Variants in SYCP1 observed in about 807,000 individuals in gnomAD.
The protein encoded by SYCP1 is synaptonemal complex protein 1, also known as cancer/testis antigen 8.
Under a neutral mutation model 153.1 loss-of-function variants are expected in SYCP1, and 64 were observed. The observed-to-expected ratio is 0.42, with a 90% CI of 0.34 to 0.51. The LOEUF (loss-of-function observed/expected upper bound fraction) is 0.51, where lower values mean the gene tolerates loss of function less well. Among genes scored for constraint, SYCP1 ranks in the 20% least tolerant of loss-of-function variants. The pLI, the probability that SYCP1 is intolerant of heterozygous loss-of-function variation, is 0.06. For missense variants in SYCP1, 997 were observed against 1,049.0 expected, an observed-to-expected ratio of 0.95 and a Z score of 0.68; for synonymous variants, 384 against 341.8, an observed-to-expected ratio of 1.12 and a Z score of -1.36.
At chr1:114,855,746 CA>C (rs1420590553) in intron 2 of SYCP1, among the ~76,000 whole-genome samples, 174 bp downstream of exon 2, 1 of 152,146 alleles carries the variant, frequency 6.6e-6, no homozygotes, top group African/African-American at 2.4e-5. Flanking sequence ...ATTGTGTAGG[CA>C]TCATTCATTT....
chr1:114,871,601 C>A (rs1195903194), intron 8 of SYCP1, among the ~76,000 whole-genome samples: 1 of 152,046 alleles, frequency 6.6e-6, no homozygotes, highest in East Asian at 1.9e-4. Context: ...GAGGCAGAGT[C>A]TCATTCTGTT....
At chr1:114,961,758 T>A (rs778558293) in intron 27 of SYCP1, among the ~76,000 whole-genome samples, 4 of 152,190 alleles carry the variant, frequency 2.6e-5, no homozygotes, top group African/African-American at 7.2e-5. Context: ...TTGTGGCCTT[T>A]CATATGGTCT....
Position 114,977,598 on chromosome 1 carries a change from TA to T in SYCP1, c.2367del (p.Glu790LysfsTer68). ...REAKENTATL[K>X]EKKDKKTQTF... ...AGGCAAAAGAAAACACAGCTACTCT[TA>T]AAGAAAAAAAAGACAAGGTAAGAGC... On this transcript the variant is annotated frameshift_variant, in exon 28 of 32. Coordinates refer to ENST00000369522, the MANE Select transcript of SYCP1 (RefSeq NM_003176.4). LOFTEE classifies it high-confidence loss of function. The T allele has an allele frequency of 6.6e-7, 1 of 1,505,278 alleles. No individual in the cohort carries two copies. 93.2% of individuals were successfully genotyped at this position (1,505,278 alleles called of 1,614,324 possible). A position where few individuals can be genotyped will look rare whatever the true frequency, so the allele number is the denominator to read the frequency against.
At chr1:114,919,068 A>C (rs1026722751) in intron 20 of SYCP1, among the ~76,000 whole-genome samples, 1 of 152,086 alleles carries the variant, frequency 6.6e-6, no homozygotes, top group African/African-American at 2.4e-5. Context: ...GAAAGTGGGC[A>C]TCCTTGCTGT....
intron 27 of SYCP1, among the ~76,000 whole-genome samples, chr1:114,959,902 G>A (rs910229674): frequency 6.6e-6 from 1 of 152,130 alleles, no homozygotes; most frequent in African/African-American, 2.4e-5. Flanking sequence ...CACCCATGCT[G>A]CTGCAAATCA....
At chr1:114,965,872 G>A (rs1218588207) in intron 27 of SYCP1, among the ~76,000 whole-genome samples, 1 of 152,154 alleles carries the variant, frequency 6.6e-6, no homozygotes, top group Non-Finnish European at 1.5e-5. Context: ...AACTGAGTTA[G>A]GCAGGAGTCC....
intron 20 of SYCP1, among the ~76,000 whole-genome samples, chr1:114,918,612 C>T (rs899778603): frequency 2.0e-5 from 3 of 152,012 alleles, no homozygotes; most frequent in Non-Finnish European, 2.9e-5. Context: ...TTGATTGTTC[C>T]AGTCCGTGAA....
intron 23 of SYCP1, among the ~76,000 whole-genome samples, chr1:114,942,707 G>A (rs1352545639): frequency 1.3e-5 from 2 of 151,722 alleles, no homozygotes; most frequent in Admixed American, 6.6e-5. Flanking sequence ...AAATGTGAAG[G>A]GCAGGGCTTC....
chr1:114,888,920 G>C (rs1666502428), intron 15 of SYCP1, among the ~76,000 whole-genome samples: 1 of 141,266 alleles, frequency 7.1e-6, no homozygotes, highest in Admixed American at 7.4e-5. Flanking sequence ...TGTTCTCATT[G>C]TTCAACTCCC....
Position 114,923,508 on chromosome 1 carries a change from A to G in SYCP1, c.1778A>G (p.Lys593Arg). The G allele has an allele frequency of 6.3e-7, 1 of 1,591,492 alleles. No homozygotes were observed. The highest frequency in any genetic ancestry group is 8.6e-7 in the Non-Finnish European group (1 of 1,166,012). The change falls in exon 21 of 32, where the codon AAA (lysine) becomes AGA (arginine). Residue 593 changes from lysine to arginine, a missense_variant. Transcript: ENST00000369522. Reference sequence around the variant, plus strand: ...CAGAAAAGAGATGAAGTTAAATGTAAATTGGACAAGAGTGAAGAAAATGTA... The same window carrying G: ...CAGAAAAGAGATGAAGTTAAATGTAGATTGGACAAGAGTGAAGAAAATGTA... ...LKQKRDEVKCKLDKSEENCNN... is the reference protein window; with the variant it reads ...LKQKRDEVKCRLDKSEENCNN...
rs1666282839 is a variant in SYCP1 at position 114,886,151 on chromosome 1, T to C, written c.1032T>C (p.Asp344=). 1.2e-5 allele frequency: 20 copies of C among 1,605,644 alleles called. No individual in the cohort carries two copies. The highest frequency in any genetic ancestry group is 1.7e-5 in the Non-Finnish European group (20 of 1,177,096). ...GTACTCAAAAGGCTTTAGAGGAAGA[T>C]TTACAGATAGCAACAAAAACAATTT... ...SVSTQKALEE[D]LQIATKTICQ... is the part of the protein sequence containing the mutation. The change falls in exon 14 of 32, where the codon GAT becomes GAC. Residue 344 remains aspartate (D), a synonymous_variant. Coordinates refer to ENST00000369522, the MANE Select transcript of SYCP1 (RefSeq NM_003176.4).
At chr1:114,979,055 G>A (rs1672978828) in intron 28 of SYCP1, among the ~76,000 whole-genome samples, 1 of 150,922 alleles carries the variant, frequency 6.6e-6, no homozygotes, top group Admixed American at 6.6e-5. Context: ...TTATCTGAGA[G>A]TCTAGATATA....
intron 2 of SYCP1, 118 bp from the exon 3 acceptor site, chr1:114,856,455 G>C: frequency 1.7e-6 from 1 of 592,392 alleles, no homozygotes. Flanking sequence ...GTACATTAAA[G>C]GATTTGCAAT....
intron 20 of SYCP1, among the ~76,000 whole-genome samples, chr1:114,922,340 A>G (rs1336752655): frequency 3.3e-5 from 5 of 152,140 alleles, no homozygotes; most frequent in Non-Finnish European, 7.4e-5. Flanking sequence ...CTATAAAGAA[A>G]TACCTGAGAC....
chr1:114,880,600 G>C (rs1183837203), intron 12 of SYCP1, among the ~76,000 whole-genome samples: 1 of 152,156 alleles, frequency 6.6e-6, no homozygotes, highest in Non-Finnish European at 1.5e-5. Flanking sequence ...TGTTTCTTCA[G>C]CTCTTTGAGA....
At chr1:114,913,879 T>A (rs1668340822) in intron 19 of SYCP1, 96 bp from the exon 20 acceptor site, 9 of 925,170 alleles carry the variant, frequency 9.7e-6, no homozygotes, top group Admixed American at 3.5e-5. Flanking sequence ...TATAACTAAA[T>A]AAATTTTATG....
chr1:114,915,017 C>T (rs1668425900), intron 20 of SYCP1, among the ~76,000 whole-genome samples: 1 of 151,556 alleles, frequency 6.6e-6, no homozygotes, highest in Non-Finnish European at 1.5e-5. Flanking sequence ...AGAAAATGCC[C>T]CCCACGACTT....
Position 114,885,542 on chromosome 1 carries a change from G to T in SYCP1, c.918G>T (p.Gln306His). The change falls in exon 13 of 32, where the codon CAG becomes CAT. Residue 306 changes from glutamine (Q) to histidine (H), a missense_variant. By Grantham distance (24) the Gln-to-His change is conservative. Around this residue, in one of 2 missense-constraint regions of SYCP1, gnomAD observed 285 missense variants for 366.1 expected, o/e 0.78. Transcript: ENST00000369522. The part of the protein sequence containing the change: ...VNQLEEKTKL[Q>H]SENLKQSIEK... ...TATAACTTTCTCTTTTAGAATTACA[G>T]AGTGAAAACTTAAAACAATCAATTG... 1 of 1,546,552 alleles carries T rather than the reference G, an allele frequency of 6.5e-7. No individual in the cohort carries two copies. Among genetic ancestry groups the T allele is most frequent in the South Asian group, 1.2e-5 (1 of 85,514 alleles).
rs371002107 is a variant in SYCP1 at position 114,970,266 on chromosome 1, AT to A, written c.2323-7282del. On this transcript the variant is annotated intron_variant, in intron 27 of 31. Transcript: ENST00000369522. ...ATGTCTTTCATTTCCAGAAGCTGTGATTTTTTTTTATGATATCTGTTTCTTC... is the reference window on the plus strand; with the variant it reads ...ATGTCTTTCATTTCCAGAAGCTGTGATTTTTTTTATGATATCTGTTTCTTC... 2.8e-4 allele frequency among the ~76,000 whole-genome samples: 42 copies of A among 150,582 alleles called. No individual in the cohort carries two copies. In the East Asian group the frequency reaches 6.3e-3, roughly 22 times the overall value.
Sources: gnomAD v4.1 joint callset for allele counts (sites outside exome capture counted in the v4.1 genomes callset) on GRCh38, gnomAD v4.1.1 for gene constraint, gnomAD v4.1.1 regional missense constraint, MANE v1.5 for transcripts, NCBI Gene and HGNC (gene_info 2026-07-23, HGNC 2026-07-21) for gene names.